Variants in SHC3 observed in about 807,000 individuals in gnomAD.
SHC3 encodes the protein SHC adaptor protein 3.
In SHC3, 15 loss-of-function variants were observed where a neutral mutation model predicts 60.4. The ratio of observed to expected loss-of-function variants is 0.25; its 90% CI spans 0.17 to 0.38. The LOEUF (loss-of-function observed/expected upper bound fraction) is 0.38, where lower values mean the gene tolerates loss of function less well. Among genes scored for constraint, SHC3 ranks in the 10% least tolerant of loss-of-function variants. The pLI, the probability that SHC3 is intolerant of heterozygous loss-of-function variation, is 1.00. For missense variants in SHC3, 677 were observed against 786.1 expected, an observed-to-expected ratio of 0.86 and a Z score of 1.66; for synonymous variants, 294 against 325.9, an observed-to-expected ratio of 0.90 and a Z score of 1.05.
At chr9:89,093,106 T>C (rs1362216457) in intron 2 of SHC3, among the ~76,000 whole-genome samples, 2 of 152,184 alleles carry the variant, frequency 1.3e-5, no homozygotes, top group Non-Finnish European at 2.9e-5. Flanking sequence ...GCATGGTAGA[T>C]TTATCTTTAA....
intron 1 of SHC3, among the ~76,000 whole-genome samples, chr9:89,132,757 T>C (rs1346336148): frequency 1.3e-5 from 2 of 152,158 alleles, no homozygotes; most frequent in Non-Finnish European, 2.9e-5. Flanking sequence ...CAAAAATTAA[T>C]TCAAGATGGA....
At chr9:89,137,663 A>G (rs1325475729) in intron 1 of SHC3, among the ~76,000 whole-genome samples, 1 of 152,212 alleles carries the variant, frequency 6.6e-6, no homozygotes, top group African/African-American at 2.4e-5. Context: ...AAAAACGTCT[A>G]GGGGTGGAGA....
At chr9:89,128,445 A>G (rs1329174844) in intron 1 of SHC3, among the ~76,000 whole-genome samples, 3 of 152,116 alleles carry the variant, frequency 2.0e-5, no homozygotes, top group Non-Finnish European at 4.4e-5. Context: ...TGGACAGACT[A>G]CCTCCTCAAG....
At chr9:89,070,170 G>T (rs1453912710) in intron 5 of SHC3, among the ~76,000 whole-genome samples, 2 of 152,200 alleles carry the variant, frequency 1.3e-5, no homozygotes, top group African/African-American at 4.8e-5. Context: ...AAGTATAAAA[G>T]ATGGCTTCTT....
chr9:89,120,464 C>T (rs940548251), intron 1 of SHC3, among the ~76,000 whole-genome samples: 5 of 152,118 alleles, frequency 3.3e-5, no homozygotes, highest in Non-Finnish European at 7.4e-5. Flanking sequence ...TCTGTAAAGA[C>T]TAGTAATCTG....
At chr9:89,098,901 G>C (rs959810100) in intron 2 of SHC3, among the ~76,000 whole-genome samples, 1 of 152,178 alleles carries the variant, frequency 6.6e-6, no homozygotes, top group African/African-American at 2.4e-5. Flanking sequence ...AAACCTGGGA[G>C]GTGGAGGTTG....
intron 2 of SHC3, 27 bp from the exon 3 acceptor site, chr9:89,077,930 T>C (rs1825385832): frequency 6.2e-7 from 1 of 1,613,824 alleles, no homozygotes; most frequent in Non-Finnish European, 8.5e-7. Flanking sequence ...AAAGCAATTT[T>C]ATTACGTGTC....
intron 1 of SHC3, among the ~76,000 whole-genome samples, chr9:89,124,634 C>A (rs1348845165): frequency 6.6e-6 from 1 of 151,870 alleles, no homozygotes; most frequent in Non-Finnish European, 1.5e-5. Flanking sequence ...GGGAGTTGAA[C>A]AACAAGAACA....
At chr9:89,014,747 C>T (rs900385438) in intron 11 of SHC3, among the ~76,000 whole-genome samples, 6 of 152,112 alleles carry the variant, frequency 3.9e-5, no homozygotes, top group African/African-American at 1.4e-4. Flanking sequence ...TCTTGCCCCT[C>T]CCTCTCCATC....
At chr9:89,075,062 T>G (rs955318239) in intron 4 of SHC3, 47 bp downstream of exon 4, 3 of 1,599,514 alleles carry the variant, frequency 1.9e-6, no homozygotes, top group Non-Finnish European at 2.6e-6. Flanking sequence ...GAAACACTCA[T>G]CACCTGGGGC....
chr9:89,143,964 G>A (rs1482625585), intron 1 of SHC3, among the ~76,000 whole-genome samples: 1 of 152,128 alleles, frequency 6.6e-6, no homozygotes, highest in East Asian at 1.9e-4. Context: ...GGGGCCTTAG[G>A]GTGGTGGTGT....
intron 1 of SHC3, among the ~76,000 whole-genome samples, chr9:89,142,042 C>G (rs1426416211): frequency 2.0e-5 from 3 of 152,146 alleles, no homozygotes; most frequent in Non-Finnish European, 2.9e-5. Flanking sequence ...TCCCTTCATC[C>G]TGTACATGCC....
At chr9:89,042,931 T>TCACCCAGACCCTGGGTGAAAGTGA (rs1016600261) in intron 9 of SHC3, among the ~76,000 whole-genome samples, 5 of 151,960 alleles carry the variant, frequency 3.3e-5, no homozygotes, top group South Asian at 2.1e-4. Context: ...GGCTGTTCTG[T>TCACCCAGACCCTGGGTGAAAGTGA]CACCCAGACC....
At chr9:89,131,098 T>C (rs900779484) in intron 1 of SHC3, among the ~76,000 whole-genome samples, 1 of 152,056 alleles carries the variant, frequency 6.6e-6, no homozygotes, top group Admixed American at 6.6e-5. Context: ...CCCACAGAAA[T>C]ACAAACTACC....
Position 89,042,033 on chromosome 9 carries a change from A to G in SHC3, c.1353T>C (p.Phe451=), listed in dbSNP as rs773697140. The change falls in exon 10 of 12, where the codon TTT becomes TTC. Residue 451 remains phenylalanine, a synonymous_variant. Transcript: ENST00000375835. ...SAESSPRKDL[F]DMKPFEDALK... is the part of the protein sequence containing the mutation. ...AGACAAACAGAAACCCACTCATGTC[A>G]AAGAGGTCTTTCCTTGGGCTGCTCT... 6.2e-7 allele frequency: 1 copy of G among 1,613,858 alleles called. No homozygotes were observed. The highest frequency in any genetic ancestry group is 8.5e-7 in the Non-Finnish European group (1 of 1,179,966).
chr9:89,023,950 C>T (rs558156866), intron 11 of SHC3, among the ~76,000 whole-genome samples: 18 of 152,350 alleles, frequency 1.2e-4, no homozygotes, highest in Admixed American at 2.6e-4. Flanking sequence ...GGCCCCATTC[C>T]GAGTTCCTGA....
intron 2 of SHC3, chr9:89,109,816 A>G (rs1374000883): frequency 3.7e-5 from 36 of 985,408 alleles, no homozygotes; most frequent in Non-Finnish European, 4.3e-5. Flanking sequence ...AATGCTTAAC[A>G]CTCATACCAA....
At chr9:89,160,574 T>A (rs1240186300) in intron 1 of SHC3, among the ~76,000 whole-genome samples, 3 of 152,214 alleles carry the variant, frequency 2.0e-5, no homozygotes, top group Non-Finnish European at 2.9e-5. Context: ...TTCTTTTTCA[T>A]AAATCCATGT....
intron 2 of SHC3, among the ~76,000 whole-genome samples, chr9:89,085,897 C>T (rs1453523818): frequency 1.3e-5 from 2 of 152,232 alleles, no homozygotes; most frequent in African/African-American, 2.4e-5. Flanking sequence ...CAATAAAATC[C>T]TCAGGATCCC....
Sources: allele counts gnomAD v4.1 joint callset (sites outside exome capture counted in the v4.1 genomes callset), GRCh38; gene constraint gnomAD v4.1.1; transcripts MANE v1.5; gene names NCBI Gene and HGNC (gene_info 2026-07-23, HGNC 2026-07-21).